The following PTPRD variants were observed in gnomAD, a reference collection of about 807,000 sequenced individuals.
PTPRD encodes the protein receptor-type tyrosine-protein phosphatase delta.
Under a neutral mutation model 214.5 loss-of-function variants are expected in PTPRD, and 34 were observed. The ratio of observed to expected loss-of-function variants is 0.16; its 90% CI spans 0.12 to 0.21. PTPRD has a LOEUF of 0.21. Ranked by LOEUF, PTPRD falls within the 10% of genes least tolerant of loss-of-function variation. The pLI is 1.00. For synonymous variants in PTPRD, 1,128 were observed against 845.7 expected (o/e 1.33, Z -5.79); for missense variants, 2,545 against 2,398.7 (o/e 1.06, Z -1.27).
At chr9:8,510,194 A>AG (rs1269347692) in intron 21 of PTPRD, among the ~76,000 whole-genome samples, 1 of 152,124 alleles carries the variant, frequency 6.6e-6, no homozygotes, top group Non-Finnish European at 1.5e-5. Flanking sequence ...TGGGAGGCTG[A>AG]GGTGAGAGGA....
chr9:10,446,837 A>C (rs954254780), intron 2 of PTPRD, among the ~76,000 whole-genome samples: 1 of 152,162 alleles, frequency 6.6e-6, no homozygotes, highest in African/African-American at 2.4e-5. Flanking sequence ...AAGAAATGCA[A>C]AAAGGTTTTC....
chr9:8,935,968 T>C (rs749665606), intron 11 of PTPRD: 4 of 152,164 alleles, frequency 2.6e-5, no homozygotes, highest in Non-Finnish European at 5.9e-5. Flanking sequence ...AGTTTTAATA[T>C]AGCTTTGGTG....
At chr9:8,479,041 GT>G (rs2096826790) in intron 30 of PTPRD, among the ~76,000 whole-genome samples, 1 of 152,152 alleles carries the variant, frequency 6.6e-6, no homozygotes, top group Non-Finnish European at 1.5e-5. Context: ...TCTGGAATGA[GT>G]TCTGTTTCTT....
chr9:8,413,600 T>C (rs1287353725), intron 35 of PTPRD, among the ~76,000 whole-genome samples: 1 of 152,138 alleles, frequency 6.6e-6, no homozygotes, highest in Non-Finnish European at 1.5e-5. Context: ...TTAATACCAT[T>C]AGTGCTTGCA....
At chr9:8,401,609 T>C (rs1209371995) in intron 36 of PTPRD, among the ~76,000 whole-genome samples, 1 of 152,154 alleles carries the variant, frequency 6.6e-6, no homozygotes, top group African/African-American at 2.4e-5. Context: ...GTCACTATTT[T>C]CAAAAAGTTC....
At chr9:10,454,971 A>G (rs1814939021) in intron 2 of PTPRD, among the ~76,000 whole-genome samples, 1 of 151,728 alleles carries the variant, frequency 6.6e-6, no homozygotes, top group South Asian at 2.1e-4. Context: ...GGACAAAAAT[A>G]TTTTTAGAAT....
intron 5 of PTPRD, among the ~76,000 whole-genome samples, chr9:9,835,905 T>C (rs2056609162): frequency 6.6e-6 from 1 of 152,114 alleles, no homozygotes; most frequent in Non-Finnish European, 1.5e-5. Flanking sequence ...AAAATGCTGG[T>C]GCCAGTTTTA....
At chr9:8,381,986 A>G (rs921789364) in intron 37 of PTPRD, among the ~76,000 whole-genome samples, 8 of 152,098 alleles carry the variant, frequency 5.3e-5, no homozygotes, top group African/African-American at 1.9e-4. Context: ...CAGAGTATCC[A>G]CCTCAGACCT....
intron 10 of PTPRD, among the ~76,000 whole-genome samples, chr9:9,023,556 T>G (rs2099576599): frequency 6.6e-6 from 1 of 152,028 alleles, no homozygotes; most frequent in Non-Finnish European, 1.5e-5. Context: ...CAACTTTTAT[T>G]TTAGATACAA....
intron 7 of PTPRD, among the ~76,000 whole-genome samples, chr9:9,722,027 A>G (rs564832907): frequency 2.6e-5 from 4 of 152,112 alleles, no homozygotes; most frequent in South Asian, 4.1e-4. Flanking sequence ...AAGTTTTAAT[A>G]TATCATATTT....
At chr9:8,524,661 C>T (rs1053667248) in intron 18 of PTPRD, 3 of 545,112 alleles carry the variant, frequency 5.5e-6, no homozygotes, top group Admixed American at 6.3e-5. Flanking sequence ...TCAATCAATA[C>T]AGTAAAAATA....
chr9:9,511,977 A>C lies in PTPRD; in HGVS notation c.-237+62755T>G, dbSNP rs75342478. 9.8e-3 allele frequency among the ~76,000 whole-genome samples: 1,494 copies of C among 151,922 alleles called. 20 individuals carry two copies. Among genetic ancestry groups the C allele is most frequent in the African/African-American group, 0.034 (1,400 of 41,514 alleles). On this transcript the variant is annotated intron_variant, in intron 8 of 45. Transcript: ENST00000381196. ...TAGACACATGGTACATAATCTAGGA[A>C]ATAGGTCATAAATGCGACTTACAGA...
chr9:10,071,543 G>A (rs2098016407), intron 3 of PTPRD, among the ~76,000 whole-genome samples: 1 of 152,024 alleles, frequency 6.6e-6, no homozygotes, highest in African/African-American at 2.4e-5. Context: ...CAGAAATGGT[G>A]CTGAAATGTG....
rs967852870 is a variant in PTPRD at position 9,553,942 on chromosome 9, A to G, written c.-237+20790T>C. Among the ~76,000 whole-genome samples, 8 of 152,056 alleles carry G rather than the reference A, an allele frequency of 5.3e-5. 1 individual carries two copies. The highest frequency in any genetic ancestry group is 1.2e-4 in the Non-Finnish European group (8 of 67,940). Reference sequence around the variant, plus strand: ...TATACCCTCTGACAACAAAGCTTACATATGTGAGCATTGCTTGCTACAGAT... The same window carrying G: ...TATACCCTCTGACAACAAAGCTTACGTATGTGAGCATTGCTTGCTACAGAT... On this transcript the variant is annotated intron_variant, in intron 8 of 45. Coordinates refer to ENST00000381196, the MANE Select transcript of PTPRD (RefSeq NM_002839.4).
intron 10 of PTPRD, among the ~76,000 whole-genome samples, chr9:9,037,736 T>C (rs181261803): frequency 6.6e-6 from 1 of 152,234 alleles, no homozygotes; most frequent in East Asian, 1.9e-4. Context: ...AATCCACAGA[T>C]CATCATAGGA....
In PTPRD at chr9:9,509,618, G is replaced by C. The variant is rs77739053; in HGVS notation, c.-237+65114C>G. The stretch of plus-strand genomic sequence containing the variant: ...AAACCCTAAATTTTAGACCATCAAG[G>C]AGATAGATTTGAGACTGATCTCCCT... On this transcript the variant is annotated intron_variant, in intron 8 of 45. Transcript: ENST00000381196. 3.4e-3 allele frequency among the ~76,000 whole-genome samples: 519 copies of C among 151,406 alleles called. 5 individuals are homozygous for C. The highest frequency in any genetic ancestry group is 0.012 in the African/African-American group (496 of 41,358).
chr9:8,510,053 T>A (rs1466333908), intron 21 of PTPRD, among the ~76,000 whole-genome samples: 1 of 151,916 alleles, frequency 6.6e-6, no homozygotes, highest in African/African-American at 2.4e-5. Flanking sequence ...GGAGGCCAAG[T>A]TGGGAGGATG....
intron 3 of PTPRD, among the ~76,000 whole-genome samples, chr9:10,098,775 C>T (rs190355203): frequency 0.016 from 2,388 of 151,804 alleles, 53 homozygotes; most frequent in African/African-American, 0.054. Flanking sequence ...GAAGAAACTG[C>T]ACATAAAACC....
chr9:10,049,409 AAGAAAG>A (rs879459687), intron 3 of PTPRD, among the ~76,000 whole-genome samples: 1,784 of 92,054 alleles, frequency 0.019, 26 homozygotes, highest in South Asian at 0.031. Flanking sequence ...AAAAAAAAAA[AAGAAAG>A]AAAGAAAGAA....
Sources: allele counts gnomAD v4.1 joint callset (sites outside exome capture counted in the v4.1 genomes callset), GRCh38; gene constraint gnomAD v4.1.1; transcripts MANE v1.5; gene names NCBI Gene and HGNC (gene_info 2026-07-23, HGNC 2026-07-21).